The following EFCAB6 variants were observed in gnomAD, a reference collection of about 807,000 sequenced individuals.
The protein encoded by EFCAB6 is EF-hand calcium binding domain 6.
A neutral mutation model predicts 169.8 loss-of-function variants in EFCAB6; 156 were observed. That is an observed-to-expected ratio of 0.92 (90% CI 0.81 to 1.05). The LOEUF (loss-of-function observed/expected upper bound fraction) is 1.05. Among genes scored for constraint, EFCAB6 ranks in the 50% least tolerant of loss-of-function variants. EFCAB6 has a pLI of 0.00. For synonymous variants in EFCAB6, 698 were observed against 676.4 expected (o/e 1.03, Z -0.50); for missense variants, 1,800 against 1,829.1 (o/e 0.98, Z 0.29).
intron 20 of EFCAB6, among the ~76,000 whole-genome samples, chr22:43,618,458 T>C (rs1258360932): frequency 6.6e-6 from 1 of 152,066 alleles, no homozygotes; most frequent in East Asian, 1.9e-4. Context: ...TTTCTCTCCT[T>C]CTTATGACAA....
chr22:43,665,165 C>T (rs1247242604), intron 17 of EFCAB6, among the ~76,000 whole-genome samples: 1 of 152,172 alleles, frequency 6.6e-6, no homozygotes, highest in Non-Finnish European at 1.5e-5. Flanking sequence ...GCTGTGCCCA[C>T]ATGGAGAAGG....
intron 6 of EFCAB6, among the ~76,000 whole-genome samples, chr22:43,742,951 G>T (rs544456671): frequency 6.6e-6 from 1 of 152,330 alleles, no homozygotes; most frequent in South Asian, 2.1e-4. Flanking sequence ...TCTGCCTGGA[G>T]AGCAAGGCTG....
In EFCAB6 at chr22:43,811,199, G is replaced by A. The variant is rs571370248; in HGVS notation, c.-145+969C>T. Among the ~76,000 whole-genome samples, 4 of 151,492 alleles carry A rather than the reference G, an allele frequency of 2.6e-5. No homozygotes were observed. The South Asian group carries it at 8.4e-4, about 32-fold the overall frequency. The stretch of plus-strand genomic sequence containing the variant: ...GGACACCGAGGCACGAGAATCGCTT[G>A]AACCCGGGAGGTGGAGGTTGCAGTG... On this transcript the variant is annotated intron_variant, in intron 1 of 31. Coordinates refer to ENST00000262726, the MANE Select transcript of EFCAB6 (RefSeq NM_022785.4).
intron 18 of EFCAB6, among the ~76,000 whole-genome samples, chr22:43,633,348 G>A (rs1331329596): frequency 6.6e-6 from 1 of 152,212 alleles, no homozygotes; most frequent in Non-Finnish European, 1.5e-5. Flanking sequence ...AAGAGATCGA[G>A]ACCATCCTGG....
chr22:43,739,129 C>A (rs2060274338), intron 6 of EFCAB6, among the ~76,000 whole-genome samples: 1 of 152,208 alleles, frequency 6.6e-6, no homozygotes, highest in Non-Finnish European at 1.5e-5. Flanking sequence ...AATGTGTCCC[C>A]CTCTCTTAAA....
rs536555732 is a variant in EFCAB6, at chr22:43,671,018, G to T, written c.1640+955C>A. On this transcript the variant is annotated intron_variant, in intron 15 of 31. Transcript: ENST00000262726. ...ATCTGGATGAAGAAATAGAGGCTCA[G>T]AGAGGTTAAGTCACTTGCCCAGGTT... Among the ~76,000 whole-genome samples the T allele has an allele frequency of 1.8e-3, 271 of 152,306 alleles. 1 individual carries two copies. Among genetic ancestry groups the T allele is most frequent in the Non-Finnish European group, 3.2e-3 (219 of 68,032 alleles).
intron 13 of EFCAB6, among the ~76,000 whole-genome samples, chr22:43,677,623 GCAACAGAGAGAGACT>G (rs1027859185): frequency 6.6e-6 from 1 of 152,086 alleles, no homozygotes; most frequent in African/African-American, 2.4e-5. Context: ...TCCAGCCTGG[GCAACAGAGAGAGACT>G]CGACGGAGAG....
chr22:43,658,306 TG>T (rs2056844546), intron 17 of EFCAB6, among the ~76,000 whole-genome samples: 1 of 152,110 alleles, frequency 6.6e-6, no homozygotes, highest in South Asian at 2.1e-4. Flanking sequence ...GGAGTAAAAC[TG>T]CAAGGCGGGG....
At chr22:43,741,508 T>C (rs770978033) in intron 6 of EFCAB6, among the ~76,000 whole-genome samples, 1 of 152,238 alleles carries the variant, frequency 6.6e-6, no homozygotes, top group Non-Finnish European at 1.5e-5. Flanking sequence ...ACTTGCTTCA[T>C]TTTTCTTCTT....
chr22:43,580,338 G>A, intron 25 of EFCAB6, 126 bp downstream of exon 25: 6 of 987,630 alleles, frequency 6.1e-6, no homozygotes, highest in South Asian at 3.3e-5. Context: ...TAAAAACTCT[G>A]CTCATGGTTA....
intron 5 of EFCAB6, among the ~76,000 whole-genome samples, chr22:43,756,791 G>T (rs183574175): frequency 6.6e-6 from 1 of 152,332 alleles, no homozygotes; most frequent in East Asian, 1.9e-4. Flanking sequence ...GTAGCAGAAG[G>T]TCTCTCTGGC....
chr22:43,654,012 A>C (rs1368594343), intron 17 of EFCAB6, among the ~76,000 whole-genome samples: 1 of 152,220 alleles, frequency 6.6e-6, no homozygotes, highest in African/African-American at 2.4e-5. Flanking sequence ...AGCTTGTTTT[A>C]GAAAAAGATC....
intron 21 of EFCAB6, among the ~76,000 whole-genome samples, chr22:43,609,273 G>A (rs1427408297): frequency 6.6e-6 from 1 of 152,186 alleles, no homozygotes; most frequent in African/African-American, 2.4e-5. Flanking sequence ...AACAAAGTGA[G>A]AATATCTTCA....
intron 17 of EFCAB6, among the ~76,000 whole-genome samples, chr22:43,640,327 T>C (rs2055713666): frequency 6.6e-6 from 1 of 152,156 alleles, no homozygotes; most frequent in Admixed American, 6.5e-5. Context: ...ATATATTTGG[T>C]TCATGTGTTC....
At chr22:43,719,626 T>C (rs1221900304) in intron 8 of EFCAB6, among the ~76,000 whole-genome samples, 1 of 152,236 alleles carries the variant, frequency 6.6e-6, no homozygotes, top group African/African-American at 2.4e-5. Context: ...TTTGTTCTTA[T>C]ATAACATATT....
intron 7 of EFCAB6, among the ~76,000 whole-genome samples, 160 bp from the exon 8 acceptor site, chr22:43,731,971 G>A (rs1323649592): frequency 1.3e-5 from 2 of 152,064 alleles, no homozygotes; most frequent in Non-Finnish European, 2.9e-5. Flanking sequence ...GTTACTGTCA[G>A]ATTTTTTTTT....
At chr22:43,801,008 C>A (rs1267325399) in intron 2 of EFCAB6, among the ~76,000 whole-genome samples, 2 of 151,636 alleles carry the variant, frequency 1.3e-5, no homozygotes, top group African/African-American at 2.4e-5. Flanking sequence ...CAGATTTGAC[C>A]CAAATAAGAC....
intron 23 of EFCAB6, among the ~76,000 whole-genome samples, chr22:43,597,681 C>T (rs2052124614): frequency 6.6e-6 from 1 of 152,152 alleles, no homozygotes; most frequent in Admixed American, 6.5e-5. Context: ...ACGGCAATTT[C>T]CCAGAAAACT....
intron 27 of EFCAB6, among the ~76,000 whole-genome samples, chr22:43,545,007 C>T (rs893420487): frequency 7.2e-5 from 11 of 151,888 alleles, no homozygotes; most frequent in African/African-American, 2.2e-4. Flanking sequence ...ATTAGCCGGG[C>T]GTGGTGGCGG....
Sources: gnomAD v4.1 joint callset for allele counts (sites outside exome capture counted in the v4.1 genomes callset) on GRCh38, gnomAD v4.1.1 for gene constraint, MANE v1.5 for transcripts, NCBI Gene and HGNC (gene_info 2026-07-23, HGNC 2026-07-21) for gene names.